The following ZNF185 variants were observed in gnomAD, a reference collection of about 807,000 sequenced individuals.
ZNF185 encodes zinc finger protein 185.
Under a neutral mutation model 58.6 loss-of-function variants are expected in ZNF185, and 56 were observed. The ratio of observed to expected loss-of-function variants is 0.95; its 90% CI spans 0.77 to 1.19. The LOEUF (loss-of-function observed/expected upper bound fraction) is 1.19. Ranked by LOEUF, ZNF185 falls within the 50% of genes most tolerant of loss-of-function variation. The pLI is 0.00. For missense variants in ZNF185, 627 were observed against 573.5 expected, an observed-to-expected ratio of 1.09 and a Z score of -0.95; for synonymous variants, 230 against 215.9, an observed-to-expected ratio of 1.07 and a Z score of -0.57.
At chrX:152,904,482 G>A in the ZNF185 span, among the ~76,000 whole-genome samples, 19 of 112,542 alleles carry the variant, frequency 1.7e-4, no homozygotes, top group African/African-American at 5.2e-4. Flanking sequence ...CTGGGAATCA[G>A]AATGTCCTGA....
At chrX:152,952,486 A>G (rs1350560396) in intron 16 of ZNF185, among the ~76,000 whole-genome samples, 4 of 112,268 alleles carry the variant, frequency 3.6e-5, no homozygotes, top group African/African-American at 9.7e-5. Flanking sequence ...CACATATACA[A>G]CATACATGTA....
At chrX:152,963,092 GC>G (rs1210816116) in intron 17 of ZNF185, among the ~76,000 whole-genome samples, 1 of 113,179 alleles carries the variant, frequency 8.8e-6, no homozygotes, top group Non-Finnish European at 1.9e-5. Context: ...GTTGGAAGGT[GC>G]AAACAAGTGG....
chrX:152,903,000 A>T, the ZNF185 span, among the ~76,000 whole-genome samples: 2 of 111,504 alleles, frequency 1.8e-5, no homozygotes, highest in East Asian at 5.6e-4. Flanking sequence ...AGAAGGAGTG[A>T]CTTCCTGTCA....
chrX:152,909,886 G>T (rs1362632544), upstream of ZNF185, among the ~76,000 whole-genome samples: 2 of 106,984 alleles, frequency 1.9e-5, no homozygotes, highest in Non-Finnish European at 3.8e-5. Flanking sequence ...CCTAGGCACT[G>T]CTTGCCTGGC....
chrX:152,903,388 C>CAAAAAAAAAAA, the ZNF185 span, among the ~76,000 whole-genome samples: 2 of 35,857 alleles, frequency 5.6e-5, no homozygotes, highest in African/African-American at 2.6e-4. Flanking sequence ...AGACTCGTCT[C>CAAAAAAAAAAA]AAAAAAAAAA....
At chrX:152,902,804 C>G in the ZNF185 span, among the ~76,000 whole-genome samples, 1 of 111,843 alleles carries the variant, frequency 8.9e-6, no homozygotes, top group Non-Finnish European at 1.9e-5. Flanking sequence ...GTTGAGGGGA[C>G]TCTGGGTCTA....
intron 17 of ZNF185, among the ~76,000 whole-genome samples, chrX:152,960,338 G>A (rs1165419891): frequency 8.9e-6 from 1 of 112,535 alleles, no homozygotes; most frequent in Non-Finnish European, 1.9e-5. Flanking sequence ...CCATGGATTT[G>A]GACAGTAATG....
At position 152,966,581 on chromosome X, in the gene ZNF185, T is replaced by C. The variant is rs2050135677; in HGVS notation, c.1800-586T>C. Among the ~76,000 whole-genome samples the C allele has an allele frequency of 3.6e-5, 4 of 111,672 alleles. No homozygotes were observed. The Admixed American group carries it at 3.8e-4, about 11-fold the overall frequency. ...CACTTCGGACAAGATGTTCAACCTC[T>C]CTGAGCTTTGCTTTCACATCTGTAG... On this transcript the variant is annotated intron_variant, in intron 19 of 22. Coordinates refer to ENST00000449285, the Ensembl canonical transcript of ZNF185.
At position 152,932,988 on chromosome X, in the gene ZNF185, A is replaced by T. The variant is rs782258585; in HGVS notation, c.1121+17A>T. ...GAGAGGAAGGTGAGCTGCCCGGGGG[A>T]GGCAGGTTCTCTCATGCCCCTGGTG... On this transcript the variant is annotated intron_variant, in intron 14 of 22. Transcript: ENST00000449285. 2.6e-6 allele frequency: 3 copies of T among 1,146,598 alleles called. No homozygotes were observed. The highest frequency in any genetic ancestry group is 2.3e-6 in the Non-Finnish European group (2 of 851,704). 94.5% of individuals were successfully genotyped at this position (1,146,598 alleles called of 1,213,427 possible).
chrX:152,937,881 C>T (rs1324415870), intron 14 of ZNF185, among the ~76,000 whole-genome samples, 193 bp from the exon 17 acceptor site: 2 of 112,508 alleles, frequency 1.8e-5, no homozygotes, highest in African/African-American at 6.5e-5. Context: ...GTGCTAAGGC[C>T]ATGTCCAAAG....
At position 152,941,729 on chromosome X, in the gene ZNF185, C is replaced by T. The variant is rs782683964; in HGVS notation, c.1212-3538C>T. ...GTGAAATGGCCGCCCGGGACGAGCTCGGCCTCGGCGGGGATTCTCTTGAGG... is the reference window on the plus strand; with the variant it reads ...GTGAAATGGCCGCCCGGGACGAGCTTGGCCTCGGCGGGGATTCTCTTGAGG... On this transcript the variant is annotated intron_variant, in intron 15 of 22. Transcript: ENST00000449285. 2.9e-5 allele frequency: 34 copies of T among 1,163,205 alleles called. No individual in the cohort carries two copies. In the East Asian group the frequency reaches 5.3e-4, roughly 18 times the overall value.
At chrX:152,914,488 C>A in exon 1 of ZNF185, 1 of 1,185,328 alleles carries the variant, frequency 8.4e-7, no homozygotes, top group Non-Finnish European at 1.1e-6. Context: ...GGAGCAATCA[C>A]CATGAGTATC....
At chrX:152,925,228 C>A (rs1320791001) in intron 11 of ZNF185, among the ~76,000 whole-genome samples, 1 of 111,677 alleles carries the variant, frequency 9.0e-6, no homozygotes, top group African/African-American at 3.3e-5. Flanking sequence ...ACTGCCTGAG[C>A]CCAGGAGTTT....
chrX:152,936,152 C>T (rs1335210068), intron 14 of ZNF185, among the ~76,000 whole-genome samples: 2 of 112,215 alleles, frequency 1.8e-5, no homozygotes, highest in Non-Finnish European at 3.8e-5. Context: ...AAACTGAGGC[C>T]CAGAAAAAAA....
exon 23 of ZNF185, chrX:152,972,228 A>G (rs1392833880): frequency 8.9e-6 from 1 of 112,044 alleles, no homozygotes; most frequent in Non-Finnish European, 1.9e-5. Context: ...AGAGGTGGCT[A>G]TTGCATTGCG....
chrX:152,967,049 T>G, intron 19 of ZNF185, 118 bp from the exon 22 acceptor site: 1 of 686,646 alleles, frequency 1.5e-6, no homozygotes, highest in Non-Finnish European at 2.2e-6. Flanking sequence ...AAGTCATGAA[T>G]GACGACTGGC....
the ZNF185 span, among the ~76,000 whole-genome samples, chrX:152,899,828 C>T: frequency 3.6e-5 from 4 of 111,713 alleles, no homozygotes; most frequent in Non-Finnish European, 5.7e-5. Context: ...GGTCAAGGCC[C>T]GCACGTCCTT....
intron 16 of ZNF185, among the ~76,000 whole-genome samples, chrX:152,948,402 A>T (rs1396581607): frequency 9.0e-6 from 1 of 111,644 alleles, no homozygotes; most frequent in Non-Finnish European, 1.9e-5. Flanking sequence ...GGTGAAAGCA[A>T]CGTGTGCATG....
At chrX:152,898,523 A>C in the ZNF185 span, among the ~76,000 whole-genome samples, 6 of 111,883 alleles carry the variant, frequency 5.4e-5, no homozygotes, top group African/African-American at 1.6e-4. Flanking sequence ...GACACGGTTT[A>C]ATTGTTAGTA....
Sources: gnomAD v4.1 joint callset for allele counts (sites outside exome capture counted in the v4.1 genomes callset) on GRCh38, gnomAD v4.1.1 for gene constraint, MANE v1.5 for transcripts, NCBI Gene and HGNC (gene_info 2026-07-23, HGNC 2026-07-21) for gene names.